HTR4: variants seen among roughly 807,000 people sequenced by gnomAD.
HTR4 encodes the protein 5-hydroxytryptamine receptor 4, also known as 5-hydroxytryptamine (serotonin) receptor 4, G protein-coupled.
In HTR4, 16 loss-of-function variants were observed where a neutral mutation model predicts 36.8. The ratio of observed to expected loss-of-function variants is 0.43; its 90% CI spans 0.29 to 0.66. The LOEUF (loss-of-function observed/expected upper bound fraction) is 0.66, where lower values mean the gene tolerates loss of function less well. HTR4 is among the 30% of genes least tolerant of loss of function. HTR4 has a pLI of 0.13. For synonymous variants in HTR4, 189 were observed against 185.1 expected, an observed-to-expected ratio of 1.02 and a Z score of -0.17; for missense variants, 438 against 490.9, an observed-to-expected ratio of 0.89 and a Z score of 1.02.
chr5:148,618,509 T>C (rs2127291498), intron 2 of HTR4, among the ~76,000 whole-genome samples: 1 of 152,320 alleles, frequency 6.6e-6, no homozygotes, highest in Non-Finnish European at 1.5e-5. Flanking sequence ...TCTCCTGCCT[T>C]GGTGGGTTAC....
At chr5:148,504,571 A>G (rs1389160531) in intron 6 of HTR4, among the ~76,000 whole-genome samples, 1 of 152,206 alleles carries the variant, frequency 6.6e-6, no homozygotes, top group African/African-American at 2.4e-5. Flanking sequence ...CCCTAACATC[A>G]CAATTAAAAG....
chr5:148,521,247 G>T (rs1330883063), intron 5 of HTR4, among the ~76,000 whole-genome samples: 1 of 152,136 alleles, frequency 6.6e-6, no homozygotes. Context: ...AGAATGAGAT[G>T]GTTAATTTTA....
intron 2 of HTR4, among the ~76,000 whole-genome samples, chr5:148,554,595 GTGTT>G (rs1344761879): frequency 2.0e-5 from 3 of 152,122 alleles, no homozygotes; most frequent in African/African-American, 4.8e-5. Context: ...GAATTATAGA[GTGTT>G]TGGAATGATG....
At chr5:148,590,079 T>C (rs1761501657) in intron 2 of HTR4, among the ~76,000 whole-genome samples, 1 of 152,096 alleles carries the variant, frequency 6.6e-6, no homozygotes, top group African/African-American at 2.4e-5. Flanking sequence ...GCTTTAATTT[T>C]AATATAGTCA....
intron 2 of HTR4, among the ~76,000 whole-genome samples, chr5:148,588,580 C>T (rs1761438325): frequency 1.4e-5 from 2 of 143,964 alleles, no homozygotes; most frequent in Admixed American, 7.1e-5. Flanking sequence ...GTCGCCCAGG[C>T]CGGACTGCGG....
chr5:148,562,873 C>A (rs1241329390), intron 2 of HTR4, among the ~76,000 whole-genome samples: 1 of 152,150 alleles, frequency 6.6e-6, no homozygotes, highest in Non-Finnish European at 1.5e-5. Context: ...CTTTACCAGC[C>A]ATTCAATGTC....
intron 2 of HTR4, among the ~76,000 whole-genome samples, chr5:148,566,757 A>T (rs1190256688): frequency 6.6e-6 from 1 of 152,146 alleles, no homozygotes; most frequent in Non-Finnish European, 1.5e-5. Flanking sequence ...GGTAAATGAT[A>T]CATACATGGT....
At chr5:148,524,391 T>TGAGA (rs1175130744) in intron 4 of HTR4, among the ~76,000 whole-genome samples, 3 of 152,336 alleles carry the variant, frequency 2.0e-5, no homozygotes, top group African/African-American at 7.2e-5. Flanking sequence ...GTCTACTGGA[T>TGAGA]GAGACCACCC....
At chr5:148,500,552 A>G (rs1455379350) in intron 6 of HTR4, among the ~76,000 whole-genome samples, 1 of 151,918 alleles carries the variant, frequency 6.6e-6, no homozygotes, top group Non-Finnish European at 1.5e-5. Context: ...TCTGTAAGTC[A>G]AAAGTTAACC....
At chr5:148,563,940 A>G (rs1226243294) in intron 2 of HTR4, among the ~76,000 whole-genome samples, 1 of 148,236 alleles carries the variant, frequency 6.7e-6, no homozygotes, top group Non-Finnish European at 1.5e-5. Flanking sequence ...GACTGAATGA[A>G]TGAATGAATG....
downstream of HTR4, among the ~76,000 whole-genome samples, chr5:148,481,093 G>A (rs920404370): frequency 1.3e-5 from 2 of 152,192 alleles, no homozygotes; most frequent in African/African-American, 4.8e-5. Flanking sequence ...TGCAGGCAAT[G>A]GGTGGGTGTG....
At chr5:148,596,387 T>C (rs904328057) in intron 2 of HTR4, among the ~76,000 whole-genome samples, 16 of 152,168 alleles carry the variant, frequency 1.1e-4, no homozygotes, top group African/African-American at 3.9e-4. Flanking sequence ...GCTCTCATTG[T>C]TTATTCTTTA....
intron 2 of HTR4, among the ~76,000 whole-genome samples, chr5:148,563,241 C>T (rs1166922955): frequency 6.6e-6 from 1 of 152,194 alleles, no homozygotes; most frequent in East Asian, 1.9e-4. Flanking sequence ...AATCATGCAT[C>T]CACCTCCACC....
At chr5:148,644,588 C>T (rs1050373102) in intron 1 of HTR4, 1 of 152,040 alleles carries the variant, frequency 6.6e-6, no homozygotes, top group African/African-American at 2.4e-5. Context: ...GAATAAGACA[C>T]AGTCAATAAG....
At chr5:148,520,910 G>A (rs756469161) in intron 5 of HTR4, 1 of 1,367,762 alleles carries the variant, frequency 7.3e-7, no homozygotes, top group Non-Finnish European at 9.8e-7. Flanking sequence ...AGGAATACTT[G>A]TTCTGACATA....
intron 2 of HTR4, among the ~76,000 whole-genome samples, chr5:148,555,217 C>T (rs1425824536): frequency 6.6e-6 from 1 of 152,076 alleles, no homozygotes; most frequent in African/African-American, 2.4e-5. Context: ...CATGAATTCT[C>T]CATCAACACC....
At chr5:148,570,517 A>C (rs1397113899) in intron 2 of HTR4, among the ~76,000 whole-genome samples, 1 of 152,076 alleles carries the variant, frequency 6.6e-6, no homozygotes, top group African/African-American at 2.4e-5. Flanking sequence ...GACAGAAAAA[A>C]GGCAGAAAAC....
chr5:148,521,109 C>A, intron 5 of HTR4: 2 of 1,038,168 alleles, frequency 1.9e-6, no homozygotes, highest in Non-Finnish European at 2.6e-6. Context: ...ACCACTTCTA[C>A]AGCAAGTGCC....
chr5:148,512,765 T>C (rs1757555508), intron 5 of HTR4, among the ~76,000 whole-genome samples: 1 of 152,042 alleles, frequency 6.6e-6, no homozygotes, highest in Non-Finnish European at 1.5e-5. Flanking sequence ...ACACTGTCTC[T>C]ATAAAAAAAT....
Sources: allele counts gnomAD v4.1 joint callset (sites outside exome capture counted in the v4.1 genomes callset), GRCh38; gene constraint gnomAD v4.1.1; transcripts MANE v1.5; gene names NCBI Gene and HGNC (gene_info 2026-07-23, HGNC 2026-07-21).